NRG1: variants seen among roughly 807,000 people sequenced by gnomAD.
NRG1 encodes pro-neuregulin-1, membrane-bound isoform.
A neutral mutation model predicts 63.8 loss-of-function variants in NRG1; 18 were observed. The ratio of observed to expected loss-of-function variants is 0.28; its 90% CI spans 0.19 to 0.42. The LOEUF (loss-of-function observed/expected upper bound fraction) is 0.42. NRG1 is among the 10% of genes least tolerant of loss of function. The pLI, the probability that NRG1 is intolerant of heterozygous loss-of-function variation, is 1.00. For missense variants in NRG1, 762 were observed against 814.7 expected (o/e 0.94, Z 0.79); for synonymous variants, 302 against 301.3 (o/e 1.00, Z -0.02).
chr8:32,409,838 G>C (rs1172038314), intron 1 of NRG1, among the ~76,000 whole-genome samples: 1 of 152,136 alleles, frequency 6.6e-6, no homozygotes, highest in East Asian at 1.9e-4. Context: ...GATTAACTAG[G>C]TAATGAGAGC....
At chr8:31,919,087 C>T (rs1833671604) in intron 1 of NRG1, among the ~76,000 whole-genome samples, 1 of 151,918 alleles carries the variant, frequency 6.6e-6, no homozygotes, top group African/African-American at 2.4e-5. Context: ...TTTGATTCTT[C>T]TCTCTTTTTT....
chr8:32,407,275 TTATATA>T (rs529128261), intron 1 of NRG1, among the ~76,000 whole-genome samples: 1 of 47,602 alleles, frequency 2.1e-5, no homozygotes, highest in Non-Finnish European at 4.4e-5. Context: ...TATATATATA[TTATATA>T]TATATATATA....
chr8:31,950,751 T>C (rs1803344212), intron 1 of NRG1, among the ~76,000 whole-genome samples: 1 of 152,220 alleles, frequency 6.6e-6, no homozygotes, highest in South Asian at 2.1e-4. Context: ...CTGTATGCCA[T>C]ATGCCTTCCA....
intron 1 of NRG1, among the ~76,000 whole-genome samples, chr8:32,468,153 C>T (rs1211048441): frequency 6.6e-6 from 1 of 152,264 alleles, no homozygotes; most frequent in African/African-American, 2.4e-5. Context: ...CATTAGCACA[C>T]AAGAAATGAC....
chr8:32,683,307 TACTGTCAGGGAGGCTCAGC>T (rs1172844105), intron 5 of NRG1, among the ~76,000 whole-genome samples: 1 of 152,214 alleles, frequency 6.6e-6, no homozygotes, highest in Non-Finnish European at 1.5e-5. Flanking sequence ...CGGGCTATAG[TACTGTCAGGGAGGCTCAGC>T]ACTGCAGAAC....
chr8:31,954,778 T>C (rs1358049113), intron 1 of NRG1, among the ~76,000 whole-genome samples: 1 of 152,160 alleles, frequency 6.6e-6, no homozygotes, highest in Non-Finnish European at 1.5e-5. Flanking sequence ...ACATAGAACA[T>C]TTTCTTGACA....
At chr8:31,733,297 T>G (rs955859109) in intron 1 of NRG1, among the ~76,000 whole-genome samples, 1 of 152,170 alleles carries the variant, frequency 6.6e-6, no homozygotes, top group Non-Finnish European at 1.5e-5. Flanking sequence ...CAGGTATCTT[T>G]TTGATATAAA....
intron 1 of NRG1, among the ~76,000 whole-genome samples, chr8:32,510,125 A>ATCATC (rs1554566713): frequency 2.1e-4 from 31 of 148,054 alleles, no homozygotes; most frequent in African/African-American, 6.9e-4. Context: ...TAATAATAAT[A>ATCATC]ATCATAAAAG....
At chr8:31,727,264 A>G (rs1331762205) in intron 1 of NRG1, among the ~76,000 whole-genome samples, 1 of 152,168 alleles carries the variant, frequency 6.6e-6, no homozygotes, top group African/African-American at 2.4e-5. Flanking sequence ...TCCAGGTTTT[A>G]AAAAAGCTTT....
intron 1 of NRG1, among the ~76,000 whole-genome samples, chr8:31,783,819 G>A (rs1563397842): frequency 6.6e-6 from 1 of 152,114 alleles, no homozygotes; most frequent in Non-Finnish European, 1.5e-5. Context: ...GCCTCGCATG[G>A]TATGGTATCA....
chr8:32,627,467 A>AAAG (rs1849500713), intron 5 of NRG1, among the ~76,000 whole-genome samples: 3 of 152,190 alleles, frequency 2.0e-5, no homozygotes, highest in Non-Finnish European at 2.9e-5. Flanking sequence ...GTGTATATGA[A>AAAG]AAGGTTGCAA....
Position 32,200,347 on chromosome 8 carries a change from C to T in NRG1, c.38-395481C>T, listed in dbSNP as rs1324522653. On this transcript the variant is annotated intron_variant, in intron 1 of 10. Transcript: ENST00000519301. ...TTTCCAAGAGTGCTTTAGTTGTTCTCTTAGTGTTCATTTCATAGAGCACGT... is the reference window on the plus strand; with the variant it reads ...TTTCCAAGAGTGCTTTAGTTGTTCTTTTAGTGTTCATTTCATAGAGCACGT... 2.7e-4 allele frequency among the ~76,000 whole-genome samples: 41 copies of T among 152,134 alleles called. 1 individual carries two copies.
intron 1 of NRG1, among the ~76,000 whole-genome samples, chr8:32,503,143 T>G (rs1563553312): frequency 7.2e-6 from 1 of 138,266 alleles, no homozygotes; most frequent in South Asian, 2.3e-4. Context: ...AAAAATTAGC[T>G]GGGCATGGTG....
chr8:31,735,130 T>G (rs1814530591), intron 1 of NRG1, among the ~76,000 whole-genome samples: 1 of 152,138 alleles, frequency 6.6e-6, no homozygotes, highest in Non-Finnish European at 1.5e-5. Context: ...CTGAGAGTGG[T>G]ACAGAAGGAT....
intron 1 of NRG1, among the ~76,000 whole-genome samples, chr8:31,903,974 T>C (rs1420544238): frequency 2.0e-5 from 3 of 152,102 alleles, no homozygotes; most frequent in African/African-American, 2.4e-5. Flanking sequence ...AATTTCTCTC[T>C]AATATACAAA....
chr8:31,802,518 G>C lies in NRG1; in HGVS notation c.37+163087G>C, dbSNP rs151085286. Among the ~76,000 whole-genome samples the C allele has an allele frequency of 2.0e-5, 3 of 152,198 alleles. No homozygotes were observed. In the East Asian group the frequency reaches 5.8e-4, roughly 29 times the overall value. The stretch of plus-strand genomic sequence containing the variant: ...CTCCCAAAAAAAGGCACAGAAAAAT[G>C]GTTGATATCTAGTAGGAGTTATTTA... On this transcript the variant is annotated intron_variant, in intron 1 of 10. Transcript: ENST00000519301.
chr8:32,166,754 T>C (rs1049918638), intron 1 of NRG1, among the ~76,000 whole-genome samples: 1 of 152,184 alleles, frequency 6.6e-6, no homozygotes, highest in African/African-American at 2.4e-5. Context: ...AAAGTAGGAA[T>C]GTATCCCCAG....
In NRG1 at chr8:31,914,743, C is replaced by CT. The variant is rs201812163; in HGVS notation, c.37+275321dup. On this transcript the variant is annotated intron_variant, in intron 1 of 10. Transcript: ENST00000519301. ...CTGGATATTCGAATTATCAAATAAT[C>CT]TTTTTTTTTCAGGATTTTCTTGGTG... 1.4e-3 allele frequency among the ~76,000 whole-genome samples: 205 copies of CT among 150,706 alleles called. 1 individual carries two copies. Among genetic ancestry groups the CT allele is most frequent in the Admixed American group, 3.0e-3 (46 of 15,086 alleles).
At chr8:32,157,001 C>A (rs2131870883) in intron 1 of NRG1, among the ~76,000 whole-genome samples, 1 of 151,878 alleles carries the variant, frequency 6.6e-6, no homozygotes, top group African/African-American at 2.4e-5. Context: ...ACATTGCCTC[C>A]AACCAAGTCT....
Sources: allele counts gnomAD v4.1 joint callset (sites outside exome capture counted in the v4.1 genomes callset), GRCh38; gene constraint gnomAD v4.1.1; transcripts MANE v1.5; gene names NCBI Gene and HGNC (gene_info 2026-07-23, HGNC 2026-07-21).